KCNIP4: variants seen among roughly 807,000 people sequenced by gnomAD.
KCNIP4 encodes Kv channel-interacting protein 4.
KCNIP4 carries 12 observed loss-of-function variants against 34.0 expected under a neutral mutation model. The ratio of observed to expected loss-of-function variants is 0.35; its 90% confidence interval spans 0.23 to 0.57. KCNIP4 has a LOEUF of 0.57. Ranked by LOEUF, KCNIP4 falls within the 20% of genes least tolerant of loss-of-function variation. KCNIP4 has a pLI of 0.83. For synonymous variants in KCNIP4, 124 were observed against 102.2 expected (o/e 1.21, Z -1.29); for missense variants, 238 against 311.7 (o/e 0.76, Z 1.78).
chr4:20,899,969 A>G (rs1726990785), intron 1 of KCNIP4, among the ~76,000 whole-genome samples: 2 of 152,240 alleles, frequency 1.3e-5, no homozygotes, highest in Admixed American at 1.3e-4. Flanking sequence ...TTCTACAAAT[A>G]TCTGTTGATG....
chr4:21,892,588 A>C (rs1727171386), intron 1 of KCNIP4, among the ~76,000 whole-genome samples: 1 of 151,640 alleles, frequency 6.6e-6, no homozygotes, highest in African/African-American at 2.4e-5. Context: ...TTGCATCAGA[A>C]GTCTACTTAA....
intron 1 of KCNIP4, among the ~76,000 whole-genome samples, chr4:21,195,983 G>A (rs1213777889): frequency 1.3e-5 from 2 of 152,146 alleles, no homozygotes; most frequent in Admixed American, 6.5e-5. Flanking sequence ...AAGTTTCCCG[G>A]CTTCTCTTTT....
At chr4:21,769,941 G>C (rs1264567693) in intron 1 of KCNIP4, among the ~76,000 whole-genome samples, 2 of 152,140 alleles carry the variant, frequency 1.3e-5, no homozygotes, top group African/African-American at 4.8e-5. Flanking sequence ...GGACCTAGGA[G>C]GAGGGCAGCT....
chr4:20,876,783 A>G (rs901841763), intron 2 of KCNIP4, among the ~76,000 whole-genome samples: 7 of 152,106 alleles, frequency 4.6e-5, no homozygotes, highest in African/African-American at 1.7e-4. Flanking sequence ...CATGTTGGCC[A>G]GGCTGGTCTC....
chr4:21,065,767 A>AT (rs1553933180), intron 1 of KCNIP4, among the ~76,000 whole-genome samples: 1,584 of 96,080 alleles, frequency 0.016, 33 homozygotes, highest in Non-Finnish European at 0.022. Flanking sequence ...TATATATATA[A>AT]CTCAATTTTA....
At chr4:20,782,572 C>T (rs1379325778) in intron 3 of KCNIP4, among the ~76,000 whole-genome samples, 1 of 152,094 alleles carries the variant, frequency 6.6e-6, no homozygotes, top group African/African-American at 2.4e-5. Context: ...AAGCCTTGGC[C>T]CAAGCTCTAC....
chr4:21,279,432 G>GA (rs916929318), intron 1 of KCNIP4, among the ~76,000 whole-genome samples: 3 of 151,348 alleles, frequency 2.0e-5, no homozygotes, highest in African/African-American at 7.3e-5. Context: ...TTTACTTTTT[G>GA]AAAACTGAGT....
chr4:21,339,914 T>G (rs1716577288), intron 1 of KCNIP4, among the ~76,000 whole-genome samples: 1 of 152,186 alleles, frequency 6.6e-6, no homozygotes, highest in African/African-American at 2.4e-5. Flanking sequence ...TATAATTTTC[T>G]ACAGTTTCCT....
At chr4:21,709,664 G>A (rs773773736) in intron 1 of KCNIP4, among the ~76,000 whole-genome samples, 19 of 151,982 alleles carry the variant, frequency 1.3e-4, no homozygotes, top group Non-Finnish European at 2.4e-4. Context: ...AAAAAATAAC[G>A]GTAGTATTAA....
At chr4:21,655,309 G>T (rs1394024720) in intron 1 of KCNIP4, among the ~76,000 whole-genome samples, 1 of 152,014 alleles carries the variant, frequency 6.6e-6, no homozygotes, top group East Asian at 1.9e-4. Flanking sequence ...GCAAGCCAAA[G>T]AACTAATCAT....
At chr4:21,799,582 T>C (rs762652871) in intron 1 of KCNIP4, among the ~76,000 whole-genome samples, 2 of 152,206 alleles carry the variant, frequency 1.3e-5, no homozygotes, top group Non-Finnish European at 2.9e-5. Context: ...TGCTTAGTTA[T>C]GACTTTAACA....
At chr4:20,801,350 A>G (rs73112236) in intron 3 of KCNIP4, among the ~76,000 whole-genome samples, 14,445 of 151,974 alleles carry the variant, frequency 0.095, 987 homozygotes, top group African/African-American at 0.2. Flanking sequence ...ATATGCAACT[A>G]TAAAACTCAC....
At chr4:20,850,935 G>A (rs1307715591) in intron 2 of KCNIP4, among the ~76,000 whole-genome samples, 1 of 152,056 alleles carries the variant, frequency 6.6e-6, no homozygotes, top group Non-Finnish European at 1.5e-5. Context: ...AAAGAGCACA[G>A]GAATTTATTT....
intron 1 of KCNIP4, among the ~76,000 whole-genome samples, chr4:21,658,180 T>C (rs1748128672): frequency 6.6e-6 from 1 of 152,140 alleles, no homozygotes; most frequent in Non-Finnish European, 1.5e-5. Context: ...CAGATAAATA[T>C]TGAAAGCAAT....
At chr4:21,948,547 G>A (rs138344733) in intron 1 of KCNIP4, 24 bp downstream of exon 1, 2 of 1,607,302 alleles carry the variant, frequency 1.2e-6, no homozygotes, top group South Asian at 1.1e-5. Context: ...GCGGGCGCCC[G>A]CTCGCAAGCT....
intron 1 of KCNIP4, among the ~76,000 whole-genome samples, chr4:21,742,480 G>A (rs1290689624): frequency 2.6e-5 from 4 of 152,194 alleles, no homozygotes; most frequent in Non-Finnish European, 5.9e-5. Context: ...TCATTGCAAA[G>A]TAGAAAGCTG....
At chr4:21,204,237 G>A (rs1756691858) in intron 1 of KCNIP4, among the ~76,000 whole-genome samples, 1 of 152,064 alleles carries the variant, frequency 6.6e-6, no homozygotes, top group South Asian at 2.1e-4. Flanking sequence ...AATGAAAGGG[G>A]AAAGGATTGA....
chr4:21,287,266 ATAAG>A (rs1379608052), intron 1 of KCNIP4, among the ~76,000 whole-genome samples: 2 of 152,200 alleles, frequency 1.3e-5, no homozygotes, highest in African/African-American at 2.4e-5. Flanking sequence ...GGGAAATAAA[ATAAG>A]TATCATTTAC....
chr4:20,972,814 T>C (rs1424843143), intron 1 of KCNIP4, among the ~76,000 whole-genome samples: 1 of 152,182 alleles, frequency 6.6e-6, no homozygotes, highest in Non-Finnish European at 1.5e-5. Flanking sequence ...TCATGAATGA[T>C]TTTGAGGGGT....
Sources: gnomAD v4.1 joint callset for allele counts (sites outside exome capture counted in the v4.1 genomes callset) on GRCh38, gnomAD v4.1.1 for gene constraint, MANE v1.5 for transcripts, NCBI Gene and HGNC (gene_info 2026-07-23, HGNC 2026-07-21) for gene names.